The following SNX14 variants were observed in gnomAD, a reference collection of about 807,000 sequenced individuals.
The protein encoded by SNX14 is sorting nexin-14.
SNX14 carries 93 observed loss-of-function variants against 133.8 expected under a neutral mutation model. The observed-to-expected ratio is 0.70, with a 90% CI of 0.59 to 0.83. The LOEUF is 0.83. Among genes scored for constraint, SNX14 ranks in the 40% least tolerant of loss-of-function variants. SNX14 has a pLI of 0.00. For missense variants in SNX14, 945 were observed against 1,094.9 expected, an observed-to-expected ratio of 0.86 and a Z score of 1.93; for synonymous variants, 368 against 365.6, an observed-to-expected ratio of 1.01 and a Z score of -0.07.
At chr6:85,566,161 C>G (rs1334705593) in intron 5 of SNX14, among the ~76,000 whole-genome samples, 1 of 152,106 alleles carries the variant, frequency 6.6e-6, no homozygotes, top group East Asian at 1.9e-4. Flanking sequence ...CTTAGAAATA[C>G]AACTAGATTT....
intron 2 of SNX14, 52 bp downstream of exon 2, chr6:85,574,206 C>T (rs1362147669): frequency 4.5e-5 from 58 of 1,294,854 alleles, no homozygotes; most frequent in Non-Finnish European, 5.9e-5. Context: ...AAATAATAAA[C>T]AGCTTAGGCT....
chr6:85,549,912 T>C (rs1156894113), intron 7 of SNX14, 33 bp from the exon 8 acceptor site: 2 of 1,553,210 alleles, frequency 1.3e-6, no homozygotes, highest in Non-Finnish European at 1.8e-6. Flanking sequence ...TTGAAACAAG[T>C]TAAGTGACAT....
intron 14 of SNX14, among the ~76,000 whole-genome samples, chr6:85,542,676 G>A (rs934502192): frequency 3.9e-5 from 6 of 152,244 alleles, no homozygotes; most frequent in Middle Eastern, 3.2e-3. Context: ...TTATAGGCCT[G>A]AGCCACCACA....
chr6:85,521,953 T>G (rs1457368904), intron 21 of SNX14, among the ~76,000 whole-genome samples: 1 of 152,232 alleles, frequency 6.6e-6, no homozygotes, highest in African/African-American at 2.4e-5. Flanking sequence ...TTCATTCTTC[T>G]GCATATGGAT....
chr6:85,514,075 A>T lies in SNX14; in HGVS notation c.2552T>A (p.Leu851His). 1 of 1,608,022 alleles carries T rather than the reference A, an allele frequency of 6.2e-7. No individual in the cohort carries two copies. Among genetic ancestry groups the T allele is most frequent in the South Asian group, 1.1e-5 (1 of 89,280 alleles). Residue 851 changes from leucine (L) to histidine (H), a missense_variant, in exon 25 of 29, where the codon CTC becomes CAC. Coordinates refer to ENST00000314673, the MANE Select transcript of SNX14 (RefSeq NM_153816.6). ...ACACATTAGAAAATACAAACCTCTG[A>T]GAAGTGTTATGAGTGAGACCAAACG... ...EHRLVSLITL[L>H]RDAIFCENTE...
intron 26 of SNX14, among the ~76,000 whole-genome samples, chr6:85,511,436 C>T (rs1772780489): frequency 6.6e-6 from 1 of 152,184 alleles, no homozygotes; most frequent in African/African-American, 2.4e-5. Context: ...CTAACTAGGA[C>T]TTCGAGTACA....
At chr6:85,547,631 A>C in intron 9 of SNX14, 81 bp from the exon 10 acceptor site, 2 of 1,203,708 alleles carry the variant, frequency 1.7e-6, no homozygotes, top group Non-Finnish European at 2.3e-6. Context: ...GTATCATATT[A>C]TGTAAGTTTC....
chr6:85,531,451 A>T (rs1780272054), intron 18 of SNX14, among the ~76,000 whole-genome samples: 1 of 152,222 alleles, frequency 6.6e-6, no homozygotes, highest in Admixed American at 6.5e-5. Context: ...GATCGAGTGA[A>T]CCAATACCAC....
intron 26 of SNX14, among the ~76,000 whole-genome samples, chr6:85,512,920 G>A (rs551149664): frequency 6.6e-6 from 1 of 152,192 alleles, no homozygotes; most frequent in African/African-American, 2.4e-5. Context: ...CTAGGATGGA[G>A]TGATGATGGC....
chr6:85,542,139 A>G (rs1783958396), intron 14 of SNX14, 96 bp from the exon 15 acceptor site: 1 of 795,556 alleles, frequency 1.3e-6, no homozygotes, highest in African/African-American at 1.8e-5. Context: ...TTGGGAAAAA[A>G]AAAAAGCTAT....
Position 85,543,933 on chromosome 6 carries a change from A to T in SNX14, c.1109-173T>A, listed in dbSNP as rs1335452416. 2.0e-5 allele frequency: 6 copies of T among 306,404 alleles called. 1 individual carries two copies. Among genetic ancestry groups the T allele is most frequent in the Admixed American group, 4.9e-5 (1 of 20,478 alleles). The allele number at this position is 306,404 out of a possible 1,614,324, so 19.0% of individuals were successfully genotyped here. A position where few individuals can be genotyped will look rare whatever the true frequency, so the allele number is the denominator to read the frequency against. On this transcript the variant is annotated intron_variant, in intron 12 of 28. Coordinates refer to ENST00000314673, the MANE Select transcript of SNX14 (RefSeq NM_153816.6). ...TAAAATAACTACTCAATAAAAGAGA[A>T]ATGCAATCAACCAGTTTTTATACAT...
chr6:85,555,656 T>TACATTTGTCAAAATCCATAGAATGC (rs1789473072), intron 7 of SNX14, among the ~76,000 whole-genome samples: 1 of 152,178 alleles, frequency 6.6e-6, no homozygotes, highest in East Asian at 1.9e-4. Flanking sequence ...TACATGATTA[T>TACATTTGTCAAAATCCATAGAATGC]ACATTTGTCA....
intron 12 of SNX14, among the ~76,000 whole-genome samples, chr6:85,545,374 G>C (rs1179912090): frequency 2.6e-5 from 4 of 151,998 alleles, no homozygotes; most frequent in Non-Finnish European, 5.9e-5. Flanking sequence ...TACTAAATTA[G>C]GTTTTTTTAA....
intron 21 of SNX14, among the ~76,000 whole-genome samples, chr6:85,525,149 A>C (rs941252229): frequency 6.6e-5 from 10 of 152,160 alleles, no homozygotes; most frequent in Middle Eastern, 3.2e-3. Context: ...TACTAACTTC[A>C]ATCTCTAATA....
At chr6:85,585,563 A>G (rs1475557701) in intron 1 of SNX14, among the ~76,000 whole-genome samples, 1 of 152,200 alleles carries the variant, frequency 6.6e-6, no homozygotes, top group African/African-American at 2.4e-5. Flanking sequence ...TAGTTCTTTG[A>G]AAAAATTAAT....
intron 23 of SNX14, among the ~76,000 whole-genome samples, chr6:85,517,358 G>A (rs1350811334): frequency 6.6e-6 from 1 of 152,174 alleles, no homozygotes; most frequent in Non-Finnish European, 1.5e-5. Flanking sequence ...TCGTAGGCAT[G>A]TAATAAAATG....
intron 21 of SNX14, among the ~76,000 whole-genome samples, chr6:85,518,585 C>A (rs561305212): frequency 1.3e-5 from 2 of 152,284 alleles, no homozygotes; most frequent in African/African-American, 4.8e-5. Context: ...TAATTTGAAA[C>A]ATCAAACATC....
intron 21 of SNX14, among the ~76,000 whole-genome samples, chr6:85,519,086 T>C (rs1270599365): frequency 1.3e-5 from 2 of 152,216 alleles, no homozygotes. Context: ...GGATCATCCC[T>C]GATCATTTCT....
At chr6:85,511,920 A>C (rs1028112886) in intron 26 of SNX14, among the ~76,000 whole-genome samples, 5 of 152,196 alleles carry the variant, frequency 3.3e-5, no homozygotes, top group African/African-American at 1.2e-4. Context: ...GGCCTTTAGT[A>C]ATGTGGTGAT....
Sources: gnomAD v4.1 joint callset for allele counts (sites outside exome capture counted in the v4.1 genomes callset) on GRCh38, gnomAD v4.1.1 for gene constraint, MANE v1.5 for transcripts, NCBI Gene and HGNC (gene_info 2026-07-23, HGNC 2026-07-21) for gene names.